The following AUTS2 variants were observed in gnomAD, a reference collection of about 807,000 sequenced individuals.
AUTS2 encodes the protein activator of transcription and developmental regulator AUTS2.
In AUTS2, 17 loss-of-function variants were observed where a neutral mutation model predicts 112.4. The observed-to-expected ratio is 0.15, with a 90% CI of 0.10 to 0.23. The LOEUF (loss-of-function observed/expected upper bound fraction) is 0.23. Ranked by LOEUF, AUTS2 falls within the 10% of genes least tolerant of loss-of-function variation. AUTS2 has a pLI of 1.00. For missense variants in AUTS2, 1,510 were observed against 1,701.6 expected, an observed-to-expected ratio of 0.89 and a Z score of 1.98; for synonymous variants, 751 against 702.7, an observed-to-expected ratio of 1.07 and a Z score of -1.09.
At position 70,751,666 on chromosome 7, in the gene AUTS2, G is replaced by T. The variant is rs567857394; in HGVS notation, c.743-11204G>T. Among the ~76,000 whole-genome samples the T allele has an allele frequency of 3.9e-5, 6 of 152,168 alleles. No individual in the cohort carries two copies. In the South Asian group the frequency reaches 1.2e-3, roughly 32 times the overall value. On this transcript the variant is annotated intron_variant, in intron 6 of 18. Transcript: ENST00000342771. ...GAAAATCCTTTTAGAACCTTGCCTT[G>T]TTAGGACCTCCTACACCTGTGTCAC...
chr7:69,929,749 A>G (rs1291676732), intron 2 of AUTS2, among the ~76,000 whole-genome samples: 1 of 152,202 alleles, frequency 6.6e-6, no homozygotes, highest in Non-Finnish European at 1.5e-5. Flanking sequence ...GAACTTTTGG[A>G]ATACAGGTAC....
intron 2 of AUTS2, among the ~76,000 whole-genome samples, chr7:69,939,662 T>G (rs2129544828): frequency 6.6e-6 from 1 of 152,346 alleles, no homozygotes; most frequent in East Asian, 1.9e-4. Flanking sequence ...TGTTAACCCT[T>G]TCACTCAATG....
rs1206535578 is a variant in AUTS2 at position 70,624,429 on chromosome 7, A to G, written c.691-74140A>G. Among the ~76,000 whole-genome samples the G allele has an allele frequency of 1.3e-5, 2 of 152,134 alleles. 1 individual carries two copies. The highest frequency in any genetic ancestry group is 4.8e-5 in the African/African-American group (2 of 41,430). On this transcript the variant is annotated intron_variant, in intron 5 of 18. Transcript: ENST00000342771. ...TTGATTTTCTGTTTTAGTTTTAATAACCTTATTGTGTATATCTTTTAATTT... is the reference window on the plus strand; with the variant it reads ...TTGATTTTCTGTTTTAGTTTTAATAGCCTTATTGTGTATATCTTTTAATTT...
At chr7:70,534,525 C>T (rs1800231789) in intron 5 of AUTS2, among the ~76,000 whole-genome samples, 1 of 152,150 alleles carries the variant, frequency 6.6e-6, no homozygotes, top group South Asian at 2.1e-4. Context: ...CTCCCAGGTT[C>T]AAGCGATTCT....
intron 1 of AUTS2, among the ~76,000 whole-genome samples, chr7:69,742,984 A>C (rs543406814): frequency 1.3e-5 from 2 of 151,844 alleles, no homozygotes; most frequent in Admixed American, 1.3e-4. Flanking sequence ...TTAACTTTCT[A>C]CTCTACTGAT....
At chr7:70,280,330 C>A (rs993061832) in intron 4 of AUTS2, among the ~76,000 whole-genome samples, 1 of 146,288 alleles carries the variant, frequency 6.8e-6, no homozygotes, top group African/African-American at 2.5e-5. Flanking sequence ...TGTCCCCAGG[C>A]TGGAGTGCAG....
chr7:70,556,211 A>C (rs761628127), intron 5 of AUTS2, among the ~76,000 whole-genome samples: 2 of 152,138 alleles, frequency 1.3e-5, no homozygotes, highest in Non-Finnish European at 2.9e-5. Flanking sequence ...ACCTTCAAAC[A>C]ACCAGAGCTC....
chr7:69,760,134 A>G (rs1788116395), intron 1 of AUTS2, among the ~76,000 whole-genome samples: 1 of 151,550 alleles, frequency 6.6e-6, no homozygotes, highest in Non-Finnish European at 1.5e-5. Context: ...AAACTCAGTT[A>G]CACTAACACC....
chr7:69,891,942 G>A (rs1443508034), intron 1 of AUTS2, among the ~76,000 whole-genome samples: 1 of 149,148 alleles, frequency 6.7e-6, no homozygotes, highest in African/African-American at 2.5e-5. Flanking sequence ...ACAGGTGCAT[G>A]CCACCATGCC....
chr7:69,917,011 T>G (rs935802939), intron 2 of AUTS2, among the ~76,000 whole-genome samples: 2 of 152,126 alleles, frequency 1.3e-5, no homozygotes, highest in African/African-American at 4.8e-5. Flanking sequence ...AGCCCACACA[T>G]TTTTTTGTTT....
chr7:70,102,090 G>A (rs1804528247), intron 2 of AUTS2, among the ~76,000 whole-genome samples: 1 of 149,998 alleles, frequency 6.7e-6, no homozygotes, highest in Non-Finnish European at 1.5e-5. Flanking sequence ...GTATGAAGTA[G>A]ATACCCCTTA....
At chr7:70,154,436 A>G (rs950339059) in intron 4 of AUTS2, among the ~76,000 whole-genome samples, 3 of 152,222 alleles carry the variant, frequency 2.0e-5, no homozygotes, top group African/African-American at 7.2e-5. Flanking sequence ...AGAGAGATCT[A>G]TAGATATTTG....
chr7:70,534,760 ATATCTT>A (rs1800243836), intron 5 of AUTS2, among the ~76,000 whole-genome samples: 1 of 152,096 alleles, frequency 6.6e-6, no homozygotes. Flanking sequence ...TAGGAGAGCA[ATATCTT>A]TACATTTTGT....
intron 2 of AUTS2, among the ~76,000 whole-genome samples, chr7:70,018,455 A>G (rs1800129953): frequency 6.6e-6 from 1 of 152,214 alleles, no homozygotes; most frequent in Non-Finnish European, 1.5e-5. Flanking sequence ...GAAGAAACCA[A>G]GAGTAGTTAG....
At chr7:69,932,914 C>A (rs1288170976) in intron 2 of AUTS2, among the ~76,000 whole-genome samples, 1 of 152,186 alleles carries the variant, frequency 6.6e-6, no homozygotes, top group Non-Finnish European at 1.5e-5. Flanking sequence ...AAGCAACAGT[C>A]AACCAGATTG....
chr7:69,707,706 T>C (rs1247920749), intron 1 of AUTS2, among the ~76,000 whole-genome samples: 1 of 152,196 alleles, frequency 6.6e-6, no homozygotes, highest in Non-Finnish European at 1.5e-5. Context: ...TTAACATATA[T>C]GAATCTGGTT....
intron 1 of AUTS2, among the ~76,000 whole-genome samples, chr7:69,681,097 A>G (rs914646966): frequency 2.0e-5 from 3 of 152,228 alleles, no homozygotes; most frequent in African/African-American, 7.2e-5. Flanking sequence ...TTTCTTTCTT[A>G]AGACTGAATA....
chr7:70,029,441 A>G (rs751141264), intron 2 of AUTS2, among the ~76,000 whole-genome samples: 24 of 151,930 alleles, frequency 1.6e-4, no homozygotes, highest in Non-Finnish European at 2.8e-4. Context: ...GAGTATGGAG[A>G]TGGTATTTTA....
At chr7:69,714,203 A>G (rs1282842828) in intron 1 of AUTS2, among the ~76,000 whole-genome samples, 4 of 151,344 alleles carry the variant, frequency 2.6e-5, no homozygotes, top group Non-Finnish European at 5.9e-5. Context: ...AGCTGGGACT[A>G]CAGGCATGCA....
Sources: gnomAD v4.1 joint callset for allele counts (sites outside exome capture counted in the v4.1 genomes callset) on GRCh38, gnomAD v4.1.1 for gene constraint, MANE v1.5 for transcripts, NCBI Gene and HGNC (gene_info 2026-07-23, HGNC 2026-07-21) for gene names.